The following TASP1 variants were observed in gnomAD, a reference collection of about 807,000 sequenced individuals.
TASP1 encodes the protein taspase 1.
Under a neutral mutation model 56.6 loss-of-function variants are expected in TASP1, and 16 were observed. That is an observed-to-expected ratio of 0.28 (90% confidence interval 0.19 to 0.43). TASP1 has a LOEUF of 0.43. Among genes scored for constraint, TASP1 ranks in the 20% least tolerant of loss-of-function variants. The pLI is 1.00. For synonymous variants in TASP1, 179 were observed against 184.2 expected, an observed-to-expected ratio of 0.97 and a Z score of 0.23; for missense variants, 393 against 511.6, an observed-to-expected ratio of 0.77 and a Z score of 2.24.
chr20:13,402,534 C>T (rs1269386017), intron 13 of TASP1, among the ~76,000 whole-genome samples: 1 of 152,148 alleles, frequency 6.6e-6, no homozygotes, highest in South Asian at 2.1e-4. Flanking sequence ...TTGGCTGTCT[C>T]GGATGTTTTC....
chr20:13,317,308 T>C, the TASP1 span, among the ~76,000 whole-genome samples: 1 of 151,768 alleles, frequency 6.6e-6, no homozygotes, highest in South Asian at 2.1e-4. Flanking sequence ...AAGAAGTAAA[T>C]AAATTGAGAG....
chr20:13,402,857 CA>C lies in TASP1; in HGVS notation c.1171-12406del, dbSNP rs1018592379. 7.4e-4 allele frequency among the ~76,000 whole-genome samples: 113 copies of C among 152,268 alleles called. 1 individual carries two copies. Among genetic ancestry groups the C allele is most frequent in the African/African-American group, 2.4e-3 (100 of 41,534 alleles). On this transcript the variant is annotated intron_variant, in intron 13 of 13. Transcript: ENST00000337743. ...TGTAGGTGTTCCACTGCCCAGTGCTCAGTGGAATACAAGAAGATTGCCTGTA... is the reference window on the plus strand; with the variant it reads ...TGTAGGTGTTCCACTGCCCAGTGCTCGTGGAATACAAGAAGATTGCCTGTA...
At chr20:13,370,734 C>A in the TASP1 span, among the ~76,000 whole-genome samples, 2 of 152,090 alleles carry the variant, frequency 1.3e-5, no homozygotes, top group Non-Finnish European at 2.9e-5. Context: ...TAATCCATTA[C>A]GACTGATGTC....
chr20:13,617,649 G>A (rs1262063800), intron 4 of TASP1, among the ~76,000 whole-genome samples: 3 of 152,142 alleles, frequency 2.0e-5, no homozygotes, highest in Non-Finnish European at 2.9e-5. Flanking sequence ...CAGGAAACTG[G>A]AGATGCTCGT....
chr20:13,185,553 G>T, the TASP1 span, among the ~76,000 whole-genome samples: 79 of 152,170 alleles, frequency 5.2e-4, 1 homozygote, highest in Non-Finnish European at 9.1e-4. Context: ...TGGCAGAATT[G>T]TCCCTATTAT....
the TASP1 span, among the ~76,000 whole-genome samples, chr20:13,175,891 C>A: frequency 6.6e-6 from 1 of 152,028 alleles, no homozygotes; most frequent in East Asian, 1.9e-4. Flanking sequence ...GAAACCATAA[C>A]AATAGATATC....
the TASP1 span, among the ~76,000 whole-genome samples, chr20:13,285,673 C>T: frequency 6.6e-6 from 1 of 152,068 alleles, no homozygotes; most frequent in Admixed American, 6.6e-5. Flanking sequence ...GGAATCAGCC[C>T]GAGAGGGGAG....
the TASP1 span, among the ~76,000 whole-genome samples, chr20:13,113,671 G>T: frequency 6.6e-6 from 1 of 152,126 alleles, no homozygotes; most frequent in Non-Finnish European, 1.5e-5. Flanking sequence ...GCCTCCATAG[G>T]GTACTTTGGT....
chr20:13,425,087 T>C (rs2042574815), intron 12 of TASP1, among the ~76,000 whole-genome samples: 1 of 152,204 alleles, frequency 6.6e-6, no homozygotes, highest in African/African-American at 2.4e-5. Flanking sequence ...TCTTAGAGGC[T>C]AGGCTTTCCA....
chr20:13,335,473 G>A, the TASP1 span, among the ~76,000 whole-genome samples: 2 of 151,902 alleles, frequency 1.3e-5, no homozygotes, highest in Non-Finnish European at 1.5e-5. Flanking sequence ...TTGGAGAAAA[G>A]CCCCATCCGT....
intron 10 of TASP1, among the ~76,000 whole-genome samples, chr20:13,517,632 T>C (rs2044589781): frequency 6.6e-6 from 1 of 151,992 alleles, no homozygotes; most frequent in Non-Finnish European, 1.5e-5. Context: ...TCATTTAAAA[T>C]CTCTAAGATA....
the TASP1 span, among the ~76,000 whole-genome samples, chr20:13,261,740 A>G: frequency 3.2e-3 from 484 of 152,330 alleles, 4 homozygotes; most frequent in African/African-American, 0.011. Flanking sequence ...ATAGGTTTCA[A>G]TGAGGGTTCT....
At chr20:13,127,072 G>A in the TASP1 span, among the ~76,000 whole-genome samples, 5 of 152,322 alleles carry the variant, frequency 3.3e-5, no homozygotes, top group South Asian at 8.3e-4. Flanking sequence ...TAAGACCAAA[G>A]TAGCCAATTT....
the TASP1 span, among the ~76,000 whole-genome samples, chr20:13,225,485 TCTAA>T: frequency 2.6e-5 from 4 of 152,200 alleles, no homozygotes; most frequent in African/African-American, 4.8e-5. Context: ...ATAAATGTTA[TCTAA>T]CTTTTTTTGT....
At chr20:13,439,484 C>T (rs572739401) in intron 11 of TASP1, among the ~76,000 whole-genome samples, 1 of 152,078 alleles carries the variant, frequency 6.6e-6, no homozygotes, top group South Asian at 2.1e-4. Flanking sequence ...GGAAGGGGAA[C>T]ATCACACACC....
chr20:13,362,199 ATTTTG>A, the TASP1 span, among the ~76,000 whole-genome samples: 2 of 150,236 alleles, frequency 1.3e-5, no homozygotes, highest in African/African-American at 5.0e-5. Flanking sequence ...CTTCAACACT[ATTTTG>A]TTTTATTTTT....
intron 12 of TASP1, among the ~76,000 whole-genome samples, chr20:13,432,506 T>G (rs1176024266): frequency 6.6e-6 from 1 of 152,208 alleles, no homozygotes; most frequent in African/African-American, 2.4e-5. Context: ...TCTTACCAAA[T>G]ACTTCACATT....
the TASP1 span, among the ~76,000 whole-genome samples, chr20:13,332,455 TGTGCAA>T: frequency 6.6e-6 from 1 of 152,214 alleles, no homozygotes; most frequent in Non-Finnish European, 1.5e-5. Context: ...ATCTTTATAT[TGTGCAA>T]TGCCAGTTTT....
the TASP1 span, among the ~76,000 whole-genome samples, chr20:13,154,761 ATT>A: frequency 1.7e-4 from 26 of 152,356 alleles, no homozygotes; most frequent in South Asian, 5.0e-3. Flanking sequence ...TTGAAACAGC[ATT>A]AGCAACAACT....
Sources: allele counts gnomAD v4.1 joint callset (sites outside exome capture counted in the v4.1 genomes callset), GRCh38; gene constraint gnomAD v4.1.1; transcripts MANE v1.5; gene names NCBI Gene and HGNC (gene_info 2026-07-23, HGNC 2026-07-21).